CTNNA3: variants seen among roughly 807,000 people sequenced by gnomAD.
The protein encoded by CTNNA3 is catenin alpha 3, also known as catenin alpha-3.
In CTNNA3, 76 loss-of-function variants were observed where a neutral mutation model predicts 95.7. The observed-to-expected ratio is 0.79, with a 90% CI of 0.66 to 0.96. CTNNA3 has a LOEUF of 0.96. CTNNA3 is among the 40% of genes least tolerant of loss of function. The pLI is 0.00. For synonymous variants in CTNNA3, 431 were observed against 374.4 expected (o/e 1.15, Z -1.74); for missense variants, 1,191 against 1,089.8 (o/e 1.09, Z -1.31).
intron 5 of CTNNA3, among the ~76,000 whole-genome samples, chr10:67,262,633 A>G (rs536187012): frequency 1.3e-5 from 2 of 152,320 alleles, no homozygotes; most frequent in African/African-American, 2.4e-5. Flanking sequence ...AGTTTTTTTA[A>G]AAAACAGCTC....
chr10:67,522,807 T>C (rs1840026013), intron 4 of CTNNA3, among the ~76,000 whole-genome samples: 1 of 152,092 alleles, frequency 6.6e-6, no homozygotes, highest in Non-Finnish European at 1.5e-5. Flanking sequence ...AGAACATACT[T>C]TGGAGGGTTA....
chr10:67,755,661 G>A (rs1392163095), intron 1 of CTNNA3, among the ~76,000 whole-genome samples: 1 of 151,760 alleles, frequency 6.6e-6, no homozygotes, highest in Non-Finnish European at 1.5e-5. Context: ...AATTAGCCAG[G>A]TGTGGTGGCA....
At chr10:67,682,493 CA>C (rs1486614888) in intron 1 of CTNNA3, among the ~76,000 whole-genome samples, 2 of 151,916 alleles carry the variant, frequency 1.3e-5, no homozygotes, top group African/African-American at 4.8e-5. Context: ...ACCAAGCAGC[CA>C]AAATTGAAAA....
chr10:66,486,125 G>A (rs909623629), intron 11 of CTNNA3, among the ~76,000 whole-genome samples: 11 of 152,138 alleles, frequency 7.2e-5, no homozygotes, highest in African/African-American at 2.7e-4. Flanking sequence ...ACAGGAGAAA[G>A]CTCTATGGTG....
At chr10:66,734,268 C>A (rs1849059110) in intron 9 of CTNNA3, among the ~76,000 whole-genome samples, 1 of 151,824 alleles carries the variant, frequency 6.6e-6, no homozygotes, top group African/African-American at 2.4e-5. Context: ...AACATATAAT[C>A]TAAACAACAC....
At chr10:66,398,393 T>C (rs2092995510) in intron 11 of CTNNA3, among the ~76,000 whole-genome samples, 1 of 151,958 alleles carries the variant, frequency 6.6e-6, no homozygotes, top group Non-Finnish European at 1.5e-5. Flanking sequence ...AGCAGTCATA[T>C]GCCCAGCAGT....
chr10:67,387,233 T>C (rs1003152938), intron 5 of CTNNA3, among the ~76,000 whole-genome samples: 1 of 152,074 alleles, frequency 6.6e-6, no homozygotes, highest in Admixed American at 6.5e-5. Flanking sequence ...GGGTGAGGCA[T>C]TGCCTCACTG....
rs867710806 is a variant in CTNNA3, at chr10:67,582,513, T to C, written c.292+24344A>G. On this transcript the variant is annotated intron_variant, in intron 3 of 17. Transcript: ENST00000433211. Reference sequence around the variant, plus strand: ...CAATTTTGTAATAAGTGCGATGTGGTGCTGAGAAGAATGTATATTCTGTTG... The same window carrying C: ...CAATTTTGTAATAAGTGCGATGTGGCGCTGAGAAGAATGTATATTCTGTTG... 8.1e-3 allele frequency among the ~76,000 whole-genome samples: 1,228 copies of C among 151,038 alleles called. 3 individuals are homozygous for C. The highest frequency in any genetic ancestry group is 0.028 in the African/African-American group (1,147 of 40,440).
chr10:66,047,360 C>T (rs950447102), intron 15 of CTNNA3, among the ~76,000 whole-genome samples: 12 of 152,096 alleles, frequency 7.9e-5, no homozygotes, highest in Admixed American at 5.2e-4. Flanking sequence ...ATCACATAAA[C>T]GGAACTAAAA....
At chr10:66,446,132 T>C (rs1439844388) in intron 11 of CTNNA3, among the ~76,000 whole-genome samples, 2 of 152,136 alleles carry the variant, frequency 1.3e-5, no homozygotes, top group Non-Finnish European at 2.9e-5. Flanking sequence ...AGGAAAAAGT[T>C]GAATCTCTGA....
intron 10 of CTNNA3, among the ~76,000 whole-genome samples, chr10:66,525,602 G>A (rs928211280): frequency 6.6e-6 from 1 of 151,990 alleles, no homozygotes; most frequent in African/African-American, 2.4e-5. Context: ...TACAATGCCT[G>A]GTGTAAAGAA....
intron 1 of CTNNA3, among the ~76,000 whole-genome samples, chr10:67,685,369 G>C (rs915781947): frequency 9.2e-5 from 14 of 152,202 alleles, no homozygotes; most frequent in Non-Finnish European, 1.5e-5. Context: ...CCAATTATTA[G>C]GCAATTTTCC....
chr10:66,853,205 T>C (rs1186954753), intron 7 of CTNNA3, among the ~76,000 whole-genome samples: 2 of 152,158 alleles, frequency 1.3e-5, no homozygotes, highest in African/African-American at 4.8e-5. Context: ...CATTTATCTA[T>C]TGTCTATGGC....
At chr10:67,396,892 T>G (rs117122153) in intron 5 of CTNNA3, among the ~76,000 whole-genome samples, 9,065 of 152,248 alleles carry the variant, frequency 0.06, 361 homozygotes, top group Non-Finnish European at 0.096. Context: ...TTGATTGGAC[T>G]TCTCCTTCCT....
At chr10:66,285,883 A>G (rs552008978) in intron 12 of CTNNA3, among the ~76,000 whole-genome samples, 2 of 125,262 alleles carry the variant, frequency 1.6e-5, no homozygotes, top group Admixed American at 1.6e-4. Context: ...TACTGCATAT[A>G]CTTTTTGTAT....
In CTNNA3 at chr10:67,646,060, C is replaced by T. The variant is rs142102036; in HGVS notation, c.99+1355G>A. Among the ~76,000 whole-genome samples, 58 of 149,708 alleles carry T rather than the reference C, an allele frequency of 3.9e-4. No homozygotes were observed. In the East Asian group the frequency reaches 8.0e-3, roughly 21 times the overall value. ...ACAACTTTATTGTACTGGAAGTAAA[C>T]GCACCAAAACATTAATGTTTATCTC... On this transcript the variant is annotated intron_variant, in intron 2 of 17. Transcript: ENST00000433211.
chr10:66,011,059 T>C (rs777665661), intron 15 of CTNNA3, among the ~76,000 whole-genome samples: 1 of 152,188 alleles, frequency 6.6e-6, no homozygotes, highest in Non-Finnish European at 1.5e-5. Flanking sequence ...GCTAATCTTG[T>C]GTTGATTTGA....
intron 16 of CTNNA3, among the ~76,000 whole-genome samples, chr10:65,974,675 A>G (rs74931795): frequency 0.11 from 16,330 of 152,100 alleles, 1,103 homozygotes; most frequent in East Asian, 0.2. Flanking sequence ...CATCAATTGT[A>G]CTTCAAACCT....
intron 5 of CTNNA3, among the ~76,000 whole-genome samples, chr10:67,277,775 A>T (rs1839241420): frequency 6.6e-6 from 1 of 151,992 alleles, no homozygotes; most frequent in Non-Finnish European, 1.5e-5. Context: ...GCTAAAAGAC[A>T]CTCCCACCAG....
Sources: allele counts gnomAD v4.1 joint callset (sites outside exome capture counted in the v4.1 genomes callset), GRCh38; gene constraint gnomAD v4.1.1; transcripts MANE v1.5; gene names NCBI Gene and HGNC (gene_info 2026-07-23, HGNC 2026-07-21).